Variants in TMEM126A observed in about 807,000 individuals in gnomAD.
The protein encoded by TMEM126A is transmembrane protein 126A.
Under a neutral mutation model 18.3 loss-of-function variants are expected in TMEM126A, and 10 were observed. That is an observed-to-expected ratio of 0.55 (90% CI 0.34 to 0.93). TMEM126A has a LOEUF of 0.93. TMEM126A is among the 40% of genes least tolerant of loss of function. The pLI, the probability that TMEM126A is intolerant of heterozygous loss-of-function variation, is 0.02. For missense variants in TMEM126A, 246 were observed against 230.2 expected, an observed-to-expected ratio of 1.07 and a Z score of -0.44; for synonymous variants, 68 against 78.1, an observed-to-expected ratio of 0.87 and a Z score of 0.68.
At chr11:85,656,176 A>G (rs751295830) in intron 4 of TMEM126A, 133 bp from the exon 5 acceptor site, 3 of 808,460 alleles carry the variant, frequency 3.7e-6, no homozygotes, top group Non-Finnish European at 5.9e-6. Flanking sequence ...TTTTAGGATT[A>G]ATAGACACTG....
Position 85,656,475 on chromosome 11 carries a change from T to A in TMEM126A, c.562T>A (p.Ser188Thr), listed in dbSNP as rs34397695. Residue 188 changes from serine to threonine, a missense_variant, in exon 5 of 5, where the codon TCT becomes ACT. By Grantham distance (58) the Ser-to-Thr change is moderately conservative. Transcript: ENST00000304511. ...YKLLIKALQL[S>T]EPGKEIH The stretch of plus-strand genomic sequence containing the variant: ...ACTACTTATAAAGGCCCTTCAGTTA[T>A]CTGAACCTGGCAAAGAAATTCACTG... 599 of 1,613,134 alleles carry A rather than the reference T, an allele frequency of 3.7e-4. 2 individuals carry two copies. In the African/African-American group the frequency reaches 7.2e-3, roughly 19 times the overall value.
At chr11:85,656,159 C>A in intron 4 of TMEM126A, 150 bp from the exon 5 acceptor site, 1 of 730,576 alleles carries the variant, frequency 1.4e-6, no homozygotes, top group Non-Finnish European at 2.2e-6. Context: ...GATAAAGAAA[C>A]AAAAGTTTTT....
At chr11:85,650,380 G>A (rs2082490136) in intron 2 of TMEM126A, 39 bp downstream of exon 2, 2 of 1,389,994 alleles carry the variant, frequency 1.4e-6, no homozygotes, top group African/African-American at 1.4e-5. Context: ...CTTTTATCAG[G>A]TGGATTTTCA....
intron 3 of TMEM126A, 105 bp downstream of exon 3, chr11:85,654,361 TAA>T: frequency 2.6e-6 from 3 of 1,136,056 alleles, no homozygotes; most frequent in Non-Finnish European, 3.9e-6. Flanking sequence ...GTAATGCAGT[TAA>T]GATTAAATCT....
In TMEM126A at chr11:85,655,709, G is replaced by A. The variant is rs747644023; in HGVS notation, c.395+1G>A. ...CTGTAAATGGTGGTCTAGCAGCCAGGTAGGAAATAAAAAACTTTTTATAAT... is the reference window on the plus strand; with the variant it reads ...CTGTAAATGGTGGTCTAGCAGCCAGATAGGAAATAAAAAACTTTTTATAAT... On this transcript the variant is annotated splice_donor_variant, in intron 4 of 4. Coordinates refer to ENST00000304511, the MANE Select transcript of TMEM126A (RefSeq NM_032273.4). LOFTEE classifies it high-confidence loss of function. 7.5e-6 allele frequency: 12 copies of A among 1,607,700 alleles called. No individual in the cohort carries two copies. Among genetic ancestry groups the A allele is most frequent in the Non-Finnish European group, 9.4e-6 (11 of 1,174,478 alleles).
At chr11:85,652,152 A>G (rs1388387055) in intron 2 of TMEM126A, among the ~76,000 whole-genome samples, 1 of 152,254 alleles carries the variant, frequency 6.6e-6, no homozygotes, top group Non-Finnish European at 1.5e-5. Flanking sequence ...CGACAGAGCA[A>G]GACTGTCTCA....
chr11:85,650,405 T>C (rs2082490319), intron 2 of TMEM126A, 64 bp downstream of exon 2: 1 of 1,193,184 alleles, frequency 8.4e-7, no homozygotes, highest in African/African-American at 1.5e-5. Flanking sequence ...TGATTCATTA[T>C]CTCAAGTTTA....
At chr11:85,653,570 A>C (rs2082516659) in intron 2 of TMEM126A, among the ~76,000 whole-genome samples, 1 of 152,212 alleles carries the variant, frequency 6.6e-6, no homozygotes, top group Admixed American at 6.5e-5. Context: ...CTACCTGAAA[A>C]CATCAGTTTA....
chr11:85,651,387 A>G (rs2082498944), intron 2 of TMEM126A, among the ~76,000 whole-genome samples: 1 of 152,218 alleles, frequency 6.6e-6, no homozygotes, highest in Non-Finnish European at 1.5e-5. Flanking sequence ...GGATGATGTT[A>G]GCATTTCTAA....
At chr11:85,652,787 T>A (rs1565799833) in intron 2 of TMEM126A, among the ~76,000 whole-genome samples, 1 of 151,656 alleles carries the variant, frequency 6.6e-6, no homozygotes, top group East Asian at 1.9e-4. Flanking sequence ...TGGACTTATA[T>A]ATAACATGTA....
intron 1 of TMEM126A, 44 bp from the exon 2 acceptor site, chr11:85,650,205 C>A (rs917818088): frequency 7.8e-7 from 1 of 1,284,604 alleles, no homozygotes; most frequent in Admixed American, 1.9e-5. Context: ...TTTTAAAATT[C>A]TTTGTATAAA....
intron 2 of TMEM126A, among the ~76,000 whole-genome samples, chr11:85,652,808 T>A (rs1304485566): frequency 6.6e-6 from 1 of 151,248 alleles, no homozygotes; most frequent in Non-Finnish European, 1.5e-5. Flanking sequence ...TATATGTATT[T>A]TATATATATT....
rs1469780770 is a variant in TMEM126A at position 85,653,922 on chromosome 11, A to G, written c.87-141A>G. The G allele has an allele frequency of 1.2e-4, 119 of 973,300 alleles. No homozygotes were observed. The South Asian group carries it at 1.4e-3, about 11-fold the overall frequency. The allele number at this position is 973,300 out of a possible 1,614,324, so 60.3% of individuals were successfully genotyped here. ...AGAGCAAAAACCTATATATAAAGCA[A>G]TTTTTAAGATTTTGGTTCTATAAGG... On this transcript the variant is annotated intron_variant, in intron 2 of 4. Transcript: ENST00000304511.
rs369467944 is a variant in TMEM126A at position 85,656,444 on chromosome 11, A to G, written c.531A>G (p.Gln177=). Residue 177 remains glutamine (Q), a synonymous_variant, in exon 5 of 5, where the codon CAA becomes CAG. Transcript: ENST00000304511. The part of the protein sequence containing the change: ...TMFSAYLGSE[Q]YKLLIKALQL... Reference sequence around the variant, plus strand: ...TTTCAGCATACCTTGGGTCTGAACAATATAAACTACTTATAAAGGCCCTTC... The same window carrying G: ...TTTCAGCATACCTTGGGTCTGAACAGTATAAACTACTTATAAAGGCCCTTC... 33 of 1,613,266 alleles carry G rather than the reference A, an allele frequency of 2.0e-5. No individual in the cohort carries two copies. The East Asian group carries it at 2.5e-4, about 12-fold the overall frequency.
intron 3 of TMEM126A, chr11:85,655,370 G>A (rs1439606097): frequency 6.5e-6 from 3 of 465,000 alleles, no homozygotes; most frequent in Non-Finnish European, 7.8e-6. Context: ...TCTAAGTTGA[G>A]AACAAATTAG....
chr11:85,649,631 A>C (rs1194370016), intron 1 of TMEM126A, among the ~76,000 whole-genome samples: 1 of 152,204 alleles, frequency 6.6e-6, no homozygotes, highest in African/African-American at 2.4e-5. Flanking sequence ...ATGTACACAG[A>C]ATGTAGTTTT....
At chr11:85,649,700 A>G (rs959290196) in intron 1 of TMEM126A, among the ~76,000 whole-genome samples, 2 of 152,196 alleles carry the variant, frequency 1.3e-5, no homozygotes, top group Non-Finnish European at 1.5e-5. Flanking sequence ...TAGCTAACCT[A>G]TGGGTACCTA....
intron 1 of TMEM126A, among the ~76,000 whole-genome samples, chr11:85,649,734 C>T (rs557021884): frequency 6.6e-6 from 1 of 152,248 alleles, no homozygotes. Context: ...GTGGGTTGTT[C>T]CCCCAGTTAT....
Position 85,656,360 on chromosome 11 carries a change from T to C in TMEM126A, c.447T>C (p.Ile149=). 6.2e-7 allele frequency: 1 copy of C among 1,612,840 alleles called. No individual in the cohort carries two copies. Among genetic ancestry groups the C allele is most frequent in the Non-Finnish European group, 8.5e-7 (1 of 1,179,610 alleles). ...AAGGGAACATCTTAAGTTACTGGAT[T>C]AGAACTTCTAAGCCTGTCTTTAGAA... ...PHKGNILSYW[I]RTSKPVFRKM... The change falls in exon 5 of 5, where the codon ATT becomes ATC. Residue 149 remains isoleucine, a synonymous_variant. Coordinates refer to ENST00000304511, the MANE Select transcript of TMEM126A (RefSeq NM_032273.4).
Sources: allele counts gnomAD v4.1 joint callset (sites outside exome capture counted in the v4.1 genomes callset), GRCh38; gene constraint gnomAD v4.1.1; transcripts MANE v1.5; gene names NCBI Gene and HGNC (gene_info 2026-07-23, HGNC 2026-07-21).